Variants in MBTPS1 observed in about 807,000 individuals in gnomAD.
MBTPS1 encodes membrane bound transcription factor peptidase, site 1, also known as membrane-bound transcription factor site-1 protease.
MBTPS1 carries 94 observed loss-of-function variants against 127.8 expected under a neutral mutation model. The observed-to-expected ratio is 0.74, with a 90% CI of 0.62 to 0.87. The LOEUF is 0.87. Among genes scored for constraint, MBTPS1 ranks in the 40% least tolerant of loss-of-function variants. MBTPS1 has a pLI of 0.00. For synonymous variants in MBTPS1, 632 were observed against 509.4 expected, an observed-to-expected ratio of 1.24 and a Z score of -3.24; for missense variants, 1,636 against 1,353.2, an observed-to-expected ratio of 1.21 and a Z score of -3.28.
rs553848958 is a variant in MBTPS1, at chr16:84,060,905, C to G, written c.2573-92G>C. The G allele has an allele frequency of 3.4e-5, 43 of 1,262,602 alleles. No homozygotes were observed. In the African/African-American group the frequency reaches 5.1e-4, roughly 15 times the overall value. 78.2% of individuals were successfully genotyped at this position (1,262,602 alleles called of 1,614,324 possible). On this transcript the variant is annotated intron_variant, in intron 19 of 22. Coordinates refer to ENST00000343411, the MANE Select transcript of MBTPS1 (RefSeq NM_003791.4). ...ACCCAGTGCAGTGGCGCAATCATAG[C>G]TCACTGCAGCCTTGAGCTCCTGGGC...
chr16:84,084,934 G>A, intron 10 of MBTPS1, 49 bp downstream of exon 10: 2 of 1,585,184 alleles, frequency 1.3e-6, no homozygotes, highest in African/African-American at 1.3e-5. Flanking sequence ...GGCACCGAGT[G>A]CTCCTGTCCT....
At chr16:84,093,652 G>T (rs1429011216) in intron 5 of MBTPS1, 59 bp downstream of exon 5, 5 of 1,120,952 alleles carry the variant, frequency 4.5e-6, no homozygotes, top group Admixed American at 3.6e-5. Context: ...GTGGAATCAT[G>T]CACTAAACAC....
intron 10 of MBTPS1, 102 bp from the exon 11 acceptor site, chr16:84,082,010 C>T: frequency 1.3e-6 from 1 of 786,680 alleles, no homozygotes; most frequent in East Asian, 3.3e-5. Context: ...GGCCTGCAGT[C>T]TTGTTTAGTA....
chr16:84,111,676 C>T (rs1288754420), intron 1 of MBTPS1, among the ~76,000 whole-genome samples: 1 of 152,178 alleles, frequency 6.6e-6, no homozygotes, highest in African/African-American at 2.4e-5. Flanking sequence ...AGCCTCCAGA[C>T]GGAGACAACC....
chr16:84,106,298 A>G (rs1012344209), intron 1 of MBTPS1, among the ~76,000 whole-genome samples: 1 of 152,022 alleles, frequency 6.6e-6, no homozygotes, highest in Non-Finnish European at 1.5e-5. Context: ...TCCATCTCAA[A>G]ATAATAATAA....
chr16:84,091,581 A>C (rs938190813), intron 7 of MBTPS1, 151 bp downstream of exon 7: 6 of 626,220 alleles, frequency 9.6e-6, no homozygotes, highest in South Asian at 5.7e-5. Context: ...ATGACATGCA[A>C]ATCACTGAAG....
Position 84,070,587 on chromosome 16 carries a change from CCT to C in MBTPS1, c.1781_1782del (p.Glu594ValfsTer16), listed in dbSNP as rs777614151. The C allele has an allele frequency of 6.2e-6, 10 of 1,611,552 alleles. No individual in the cohort carries two copies. The highest frequency in any genetic ancestry group is 2.7e-5 in the African/African-American group (2 of 74,816). On this transcript the variant is annotated frameshift_variant and splice_region_variant, in exon 13 of 23. Coordinates refer to ENST00000343411, the MANE Select transcript of MBTPS1 (RefSeq NM_003791.4). LOFTEE classifies it high-confidence loss of function. ...CAAGCCACTTTCCCGCATATCCCTA[CCT>C]CTGTCTCTGCTGGGGAAGCCACAGT... ...MITVASPAET[E>X]SKNGAEQTST...
At chr16:84,101,360 A>G (rs973043365) in intron 2 of MBTPS1, among the ~76,000 whole-genome samples, 3 of 151,900 alleles carry the variant, frequency 2.0e-5, no homozygotes, top group Admixed American at 1.3e-4. Flanking sequence ...GGACGGTGGC[A>G]GTCACCTATA....
At position 84,067,803 on chromosome 16, in the gene MBTPS1, T is replaced by A. The variant is rs1597311656; in HGVS notation, c.2092A>T (p.Ser698Cys). The A allele has an allele frequency of 6.2e-7, 1 of 1,609,806 alleles. No homozygotes were observed. ...SQYGTLLMVD[S>C]EEEYFPEEIA... is the part of the protein sequence containing the mutation. ...TCTTCAGGGAAGTACTCCTCCTCAC[T>A]GTCCACCATCAGCAAAGTGCCTGAT... Residue 698 changes from serine (S) to cysteine (C), a missense_variant, in exon 16 of 23, where the codon AGT (serine) becomes TGT (cysteine). Transcript: ENST00000343411.
chr16:84,064,518 G>A (rs1025985087), intron 18 of MBTPS1, among the ~76,000 whole-genome samples: 9 of 151,932 alleles, frequency 5.9e-5, no homozygotes, highest in East Asian at 5.8e-4. Context: ...AAAAAATTTC[G>A]TTTTCACACT....
At chr16:84,075,921 T>A (rs1359607766) in intron 11 of MBTPS1, among the ~76,000 whole-genome samples, 1 of 152,238 alleles carries the variant, frequency 6.6e-6, no homozygotes, top group Non-Finnish European at 1.5e-5. Context: ...GTGACTACAA[T>A]TGTATGCATC....
At chr16:84,102,546 C>T (rs1037937111) in intron 1 of MBTPS1, among the ~76,000 whole-genome samples, 1 of 152,108 alleles carries the variant, frequency 6.6e-6, no homozygotes, top group African/African-American at 2.4e-5. Context: ...ATATTAAGCA[C>T]ACTGGACCTG....
intron 6 of MBTPS1, among the ~76,000 whole-genome samples, chr16:84,092,546 G>T (rs181608000): frequency 1.3e-5 from 2 of 152,140 alleles, no homozygotes; most frequent in African/African-American, 4.8e-5. Context: ...CAGGACACAC[G>T]GGCCAGTGAG....
At chr16:84,079,713 A>C (rs2085912048) in intron 11 of MBTPS1, among the ~76,000 whole-genome samples, 3 of 152,254 alleles carry the variant, frequency 2.0e-5, no homozygotes, top group African/African-American at 7.2e-5. Context: ...TCTGTAAATA[A>C]GAAATAAATA....
chr16:84,114,147 G>A (rs565611861), intron 1 of MBTPS1, among the ~76,000 whole-genome samples: 35 of 151,780 alleles, frequency 2.3e-4, no homozygotes, highest in Admixed American at 5.3e-4. Flanking sequence ...TTGTATTTTA[G>A]AGACGGGGTT....
At position 84,093,839 on chromosome 16, in the gene MBTPS1, G is replaced by T. The variant is rs771265029; in HGVS notation, c.626-18C>A. The T allele has an allele frequency of 6.0e-6, 9 of 1,501,008 alleles. No individual in the cohort carries two copies. In the South Asian group the frequency reaches 7.9e-5, roughly 13 times the overall value. 93.0% of individuals were successfully genotyped at this position (1,501,008 alleles called of 1,614,324 possible). A position where few individuals can be genotyped will look rare whatever the true frequency, so the allele number is the denominator to read the frequency against. On this transcript the variant is annotated intron_variant, in intron 4 of 22. Coordinates refer to ENST00000343411, the MANE Select transcript of MBTPS1 (RefSeq NM_003791.4). ...ATTAGCACCTTATTCGGAAAAGAAA[G>T]CAAACACAATTATGTTTGAAGAAAT...
chr16:84,084,764 A>C (rs2292322), intron 10 of MBTPS1, among the ~76,000 whole-genome samples: 1 of 152,110 alleles, frequency 6.6e-6, no homozygotes, highest in Non-Finnish European at 1.5e-5. Context: ...TTGTTTACTT[A>C]GGCTTATAAA....
intron 11 of MBTPS1, among the ~76,000 whole-genome samples, chr16:84,081,020 T>A (rs1235589997): frequency 6.6e-6 from 1 of 152,232 alleles, no homozygotes; most frequent in Non-Finnish European, 1.5e-5. Context: ...AAATCCAATG[T>A]GGGATCCTGG....
chr16:84,081,977 A>C, intron 10 of MBTPS1, 69 bp from the exon 11 acceptor site: 1 of 1,203,842 alleles, frequency 8.3e-7, no homozygotes, highest in African/African-American at 1.6e-5. Flanking sequence ...ACTAAAACCT[A>C]ACCTACAAAC....
Sources: allele counts gnomAD v4.1 joint callset (sites outside exome capture counted in the v4.1 genomes callset), GRCh38; gene constraint gnomAD v4.1.1; transcripts MANE v1.5; gene names NCBI Gene and HGNC (gene_info 2026-07-23, HGNC 2026-07-21).